Variants in NRBF2 observed in about 807,000 individuals in gnomAD.
NRBF2 encodes the protein nuclear receptor-binding factor 2.
NRBF2 carries 12 observed loss-of-function variants against 28.5 expected under a neutral mutation model. The ratio of observed to expected loss-of-function variants is 0.42; its 90% CI spans 0.27 to 0.68. The LOEUF (loss-of-function observed/expected upper bound fraction) is 0.68, where lower values mean the gene tolerates loss of function less well. Among genes scored for constraint, NRBF2 ranks in the 30% least tolerant of loss-of-function variants. NRBF2 has a pLI of 0.24. For synonymous variants in NRBF2, 102 were observed against 116.5 expected (o/e 0.88, Z 0.80); for missense variants, 274 against 333.5 (o/e 0.82, Z 1.39).
At chr10:63,144,135 A>G (rs990727312) in intron 1 of NRBF2, among the ~76,000 whole-genome samples, 2 of 152,142 alleles carry the variant, frequency 1.3e-5, no homozygotes, top group African/African-American at 4.8e-5. Flanking sequence ...ACAGTTTAGT[A>G]GTGTTAAGTA....
chr10:63,146,240 T>C lies in NRBF2; in HGVS notation c.62T>C (p.Leu21Ser), dbSNP rs1399868013. The change falls in exon 2 of 4, where the codon TTA becomes TCA. Residue 21 changes from leucine (L) to serine (S), a missense_variant. Transcript: ENST00000277746. ...AHQQSRRADR[L>S]LAAGKYEEAI... ...CAACAGAGCAGACGAGCAGACCGTTTATTAGCTGCAGGCAAATACGAAGAG... is the reference window on the plus strand; with the variant it reads ...CAACAGAGCAGACGAGCAGACCGTTCATTAGCTGCAGGCAAATACGAAGAG... 1.9e-6 allele frequency: 3 copies of C among 1,612,560 alleles called. No individual in the cohort carries two copies. Among genetic ancestry groups the C allele is most frequent in the East Asian group, 2.2e-5 (1 of 44,852 alleles).
chr10:63,133,553 C>A, intron 1 of NRBF2, 53 bp downstream of exon 1: 1 of 1,380,372 alleles, frequency 7.2e-7, no homozygotes, highest in Admixed American at 1.7e-5. Flanking sequence ...GCCTCAGGAG[C>A]CCGGCCCCGT....
At chr10:63,143,677 C>T (rs939783523) in intron 1 of NRBF2, among the ~76,000 whole-genome samples, 6 of 151,896 alleles carry the variant, frequency 4.0e-5, no homozygotes, top group African/African-American at 1.5e-4. Context: ...GTCTCAAACT[C>T]CTGACCTCAG....
intron 3 of NRBF2, among the ~76,000 whole-genome samples, chr10:63,152,538 T>C (rs1031977573): frequency 2.0e-5 from 3 of 152,188 alleles, no homozygotes; most frequent in African/African-American, 7.2e-5. Flanking sequence ...AAGAGGAAAC[T>C]AGTTGGACCA....
intron 2 of NRBF2, among the ~76,000 whole-genome samples, chr10:63,149,528 G>T (rs1216395818): frequency 6.6e-6 from 1 of 152,182 alleles, no homozygotes; most frequent in African/African-American, 2.4e-5. Context: ...CTAAATTTCT[G>T]TGTTGCTATA....
At chr10:63,145,693 A>C (rs1477252801) in intron 1 of NRBF2, among the ~76,000 whole-genome samples, 1 of 152,234 alleles carries the variant, frequency 6.6e-6, no homozygotes, top group Non-Finnish European at 1.5e-5. Context: ...ATCAACTGCA[A>C]TGTCCAAATT....
Position 63,153,544 on chromosome 10 carries a change from C to T in NRBF2, c.190C>T (p.His64Tyr), listed in dbSNP as rs1196836142. The part of the protein sequence containing the change: ...HLSLELQRDS[H>Y]MKQLLLIQER... ...TTCACTGGAATTGCAAAGGGATAGCCATATGAAACAGCTCCTCCTCATCCA... is the reference window on the plus strand; with the variant it reads ...TTCACTGGAATTGCAAAGGGATAGCTATATGAAACAGCTCCTCCTCATCCA... The change falls in exon 4 of 4, where the codon CAT becomes TAT. Residue 64 changes from histidine to tyrosine, a missense_variant. His to Tyr is a moderately conservative substitution (Grantham distance 83, BLOSUM62 2). Coordinates refer to ENST00000277746, the MANE Select transcript of NRBF2 (RefSeq NM_030759.5). 1.2e-6 allele frequency: 2 copies of T among 1,611,460 alleles called. No individual in the cohort carries two copies. The highest frequency in any genetic ancestry group is 1.3e-5 in the African/African-American group (1 of 74,914).
At chr10:63,133,867 G>A (rs1841330552) in intron 1 of NRBF2, among the ~76,000 whole-genome samples, 1 of 152,220 alleles carries the variant, frequency 6.6e-6, no homozygotes, top group South Asian at 2.1e-4. Context: ...CAGAAATGGT[G>A]TGATACTGGT....
At chr10:63,142,620 T>G (rs1253244763) in intron 1 of NRBF2, among the ~76,000 whole-genome samples, 1 of 152,160 alleles carries the variant, frequency 6.6e-6, no homozygotes, top group Non-Finnish European at 1.5e-5. Flanking sequence ...CATACTAGCT[T>G]TCTTCATCAT....
rs888711773 is a variant in NRBF2, at chr10:63,133,446, A to G, written c.-25A>G. 9.9e-6 allele frequency: 16 copies of G among 1,611,156 alleles called. No individual in the cohort carries two copies. The highest frequency in any genetic ancestry group is 1.4e-5 in the Non-Finnish European group (16 of 1,178,686). Reference sequence around the variant, plus strand: ...CCCCGGCGCCACTACTCCCCTTCCTAAGGCCGCCGCTTACCCCGGGGTCTA... The same window carrying G: ...CCCCGGCGCCACTACTCCCCTTCCTGAGGCCGCCGCTTACCCCGGGGTCTA... On this transcript the variant is annotated 5_prime_UTR_variant, in exon 1 of 4. Coordinates refer to ENST00000277746, the MANE Select transcript of NRBF2 (RefSeq NM_030759.5).
Position 63,153,958 on chromosome 10 carries a change from GA to G in NRBF2, c.608del (p.Lys203ArgfsTer5). On this transcript the variant is annotated frameshift_variant, in exon 4 of 4. Transcript: ENST00000277746. LOFTEE classifies it high-confidence loss of function. ...LRKENKQLKAEKARLLKGPIE... is the reference protein window; with the variant it reads ...LRKENKQLKAXKARLLKGPIE... ...GAAAGAAAATAAACAACTAAAGGCT[GA>G]AAAGGCCAGACTTCTAAAAGGTCCA... 1 of 1,611,952 alleles carries G rather than the reference GA, an allele frequency of 6.2e-7. No individual in the cohort carries two copies. Among genetic ancestry groups the G allele is most frequent in the African/African-American group, 1.3e-5 (1 of 74,962 alleles).
At chr10:63,152,071 G>T (rs1048414197) in intron 2 of NRBF2, 79 bp from the exon 3 acceptor site, 2 of 1,042,962 alleles carry the variant, frequency 1.9e-6, no homozygotes, top group South Asian at 2.7e-5. Flanking sequence ...GTCATATGAA[G>T]ATTATTAAAA....
chr10:63,133,539 C>G (rs780276309), intron 1 of NRBF2, 39 bp downstream of exon 1: 1 of 1,516,628 alleles, frequency 6.6e-7, no homozygotes, highest in South Asian at 1.1e-5. Context: ...TCTTGGGTGC[C>G]TTTGCCTCAG....
rs1252950445 is a variant in NRBF2, at chr10:63,154,564, T to C, written c.*346T>C. On this transcript the variant is annotated 3_prime_UTR_variant, in exon 4 of 4. Transcript: ENST00000277746. ...TAAAATGTATAAAAGTTATGTGTAATTAATCTATAATGCCATAAATGATAA... is the reference window on the plus strand; with the variant it reads ...TAAAATGTATAAAAGTTATGTGTAACTAATCTATAATGCCATAAATGATAA... 1 of 181,506 alleles carries C rather than the reference T, an allele frequency of 5.5e-6. No homozygotes were observed. Among genetic ancestry groups the C allele is most frequent in the Non-Finnish European group, 1.2e-5 (1 of 86,840 alleles). The allele number at this position is 181,506 out of a possible 1,614,324, so 11.2% of individuals were successfully genotyped here.
intron 1 of NRBF2, among the ~76,000 whole-genome samples, chr10:63,135,885 TC>T (rs1353803791): frequency 6.6e-6 from 1 of 152,028 alleles, no homozygotes. Context: ...GACCTCGTGA[TC>T]CCCCCGCCTG....
chr10:63,139,096 G>A (rs149122820), intron 1 of NRBF2, among the ~76,000 whole-genome samples: 2,000 of 152,166 alleles, frequency 0.013, 29 homozygotes, highest in African/African-American at 0.034. Context: ...CACAACCTCC[G>A]CCTCCGGGGT....
intron 1 of NRBF2, among the ~76,000 whole-genome samples, chr10:63,136,590 A>G (rs1421688058): frequency 6.6e-6 from 1 of 152,226 alleles, no homozygotes; most frequent in Admixed American, 6.5e-5. Flanking sequence ...AGTTTTACAG[A>G]TAAATAAGCC....
intron 1 of NRBF2, among the ~76,000 whole-genome samples, chr10:63,142,763 CT>C (rs1426266306): frequency 3.8e-5 from 3 of 79,202 alleles, no homozygotes; most frequent in African/African-American, 1.5e-4. Flanking sequence ...CCAGTCATTT[CT>C]TTTCTTTCTT....
chr10:63,136,518 T>C (rs921305005), intron 1 of NRBF2, among the ~76,000 whole-genome samples: 13 of 152,266 alleles, frequency 8.5e-5, no homozygotes, highest in African/African-American at 3.1e-4. Flanking sequence ...CTTATCACAG[T>C]ACATGGATTT....
Sources: allele counts gnomAD v4.1 joint callset (sites outside exome capture counted in the v4.1 genomes callset), GRCh38; gene constraint gnomAD v4.1.1; transcripts MANE v1.5; gene names NCBI Gene and HGNC (gene_info 2026-07-23, HGNC 2026-07-21).